FAHD2A: variants seen among roughly 807,000 people sequenced by gnomAD.
FAHD2A encodes the protein fumarylacetoacetate hydrolase domain containing 2A.
Under a neutral mutation model 33.4 loss-of-function variants are expected in FAHD2A, and 27 were observed. The ratio of observed to expected loss-of-function variants is 0.81; its 90% CI spans 0.60 to 1.11. The LOEUF (loss-of-function observed/expected upper bound fraction) is 1.11, where lower values mean the gene tolerates loss of function less well. FAHD2A is among the 50% of genes most tolerant of loss of function. The pLI is 0.00. For synonymous variants in FAHD2A, 130 were observed against 153.3 expected (o/e 0.85, Z 1.12); for missense variants, 296 against 395.0 (o/e 0.75, Z 2.12).
chr2:95,411,507 C>T (rs1323912161), intron 5 of FAHD2A, among the ~76,000 whole-genome samples: 1 of 152,370 alleles, frequency 6.6e-6, no homozygotes, highest in African/African-American at 2.4e-5. Context: ...CAGCCTCTTA[C>T]ACAGCCACCC....
Position 95,412,708 on chromosome 2 carries a change from C to T in FAHD2A, c.826C>T (p.Leu276=). ...TACCTTTTACCCAGGGGATGTCATC[C>T]TAACTGGGACCCCCCCAGGTGTCGG... is the stretch of plus-strand genomic sequence containing the variant. The part of the protein sequence containing the change: ...FVTFYPGDVI[L]TGTPPGVGVF... The change falls in exon 7 of 8, where the codon CTA becomes TTA. Residue 276 remains leucine, a synonymous_variant. Transcript: ENST00000233379. The T allele has an allele frequency of 6.2e-7, 1 of 1,614,192 alleles. No homozygotes were observed. The highest frequency in any genetic ancestry group is 1.1e-5 in the South Asian group (1 of 91,078).
At chr2:95,411,236 G>A (rs867389679) in intron 5 of FAHD2A, among the ~76,000 whole-genome samples, 2 of 152,246 alleles carry the variant, frequency 1.3e-5, no homozygotes, top group Non-Finnish European at 2.9e-5. Context: ...CAACTGCAGA[G>A]GATGTGAAAC....
intron 1 of FAHD2A, chr2:95,405,301 T>C: frequency 2.2e-6 from 1 of 464,728 alleles, no homozygotes; most frequent in Non-Finnish European, 3.8e-6. Context: ...GTGGGAACTT[T>C]CAGAAAGCAC....
At position 95,405,704 on chromosome 2, in the gene FAHD2A, G is replaced by A; in HGVS notation, c.146G>A (p.Gly49Asp). 6.2e-6 allele frequency: 10 copies of A among 1,614,148 alleles called. No homozygotes were observed. Among genetic ancestry groups the A allele is most frequent in the Non-Finnish European group, 8.5e-6 (10 of 1,180,026 alleles). The change falls in exon 2 of 8, where the codon GGT (glycine) becomes GAT (aspartate). Residue 49 changes from glycine (G) to aspartate (D), a missense_variant. Physicochemically the swap from Gly to Asp is moderately conservative, Grantham distance 94. Coordinates refer to ENST00000233379, the MANE Select transcript of FAHD2A (RefSeq NM_016044.3). ...CACTTGGGCCTGGAGACAGGGAATGGTGGAGGGGTTATCAACCTCAATGCC... is the reference window on the plus strand; with the variant it reads ...CACTTGGGCCTGGAGACAGGGAATGATGGAGGGGTTATCAACCTCAATGCC... The part of the protein sequence containing the change: ...GPHLGLETGN[G>D]GGVINLNAFD...
rs1682920286 is a variant in FAHD2A at position 95,414,066 on chromosome 2, C to G, written c.*1109C>G. On this transcript the variant is annotated 3_prime_UTR_variant, in exon 8 of 8. Transcript: ENST00000233379. ...TCTAGGTAGGGAGGACAGGGAGACA[C>G]TGGGCACAGGCTTCTCTCCTCTTGT... 1 of 1,416,042 alleles carries G rather than the reference C, an allele frequency of 7.1e-7. No homozygotes were observed. The highest frequency in any genetic ancestry group is 1.4e-5 in the African/African-American group (1 of 70,950). The allele number at this position is 1,416,042 out of a possible 1,614,324, so 87.7% of individuals were successfully genotyped here.
downstream of FAHD2A, among the ~76,000 whole-genome samples, chr2:95,417,042 G>A (rs1170343058): frequency 6.6e-6 from 1 of 152,198 alleles, no homozygotes; most frequent in Non-Finnish European, 1.5e-5. Context: ...CAGGCAAGGG[G>A]CACACAGAGT....
chr2:95,405,516 A>T (rs373074130), intron 1 of FAHD2A, 37 bp from the exon 2 acceptor site: 3 of 1,575,916 alleles, frequency 1.9e-6, no homozygotes, highest in Non-Finnish European at 2.6e-6. Flanking sequence ...TGGCTCTGGG[A>T]TCCTCTGTCT....
intron 3 of FAHD2A, among the ~76,000 whole-genome samples, chr2:95,408,696 T>A (rs1248435749): frequency 6.6e-6 from 1 of 152,210 alleles, no homozygotes; most frequent in Non-Finnish European, 1.5e-5. Flanking sequence ...ACCGGGTCCG[T>A]CCCATAGCAC....
downstream of FAHD2A, among the ~76,000 whole-genome samples, chr2:95,419,178 T>A (rs536111240): frequency 2.0e-5 from 3 of 152,236 alleles, no homozygotes; most frequent in East Asian, 5.8e-4. Context: ...ATTCCTGTTG[T>A]CTGAAGCAAC....
At chr2:95,408,086 T>A (rs1160209032) in intron 3 of FAHD2A, among the ~76,000 whole-genome samples, 1 of 151,012 alleles carries the variant, frequency 6.6e-6, no homozygotes, top group Non-Finnish European at 1.5e-5. Flanking sequence ...AGGGGACCTT[T>A]TAAAACACAT....
intron 1 of FAHD2A, chr2:95,405,287 C>A: frequency 2.3e-6 from 1 of 441,900 alleles, no homozygotes; most frequent in South Asian, 4.0e-5. Context: ...CAGAGCCAAG[C>A]ACAGTGGGAA....
At chr2:95,411,496 G>T (rs374759183) in intron 5 of FAHD2A, among the ~76,000 whole-genome samples, 1 of 152,264 alleles carries the variant, frequency 6.6e-6, no homozygotes, top group Non-Finnish European at 1.5e-5. Flanking sequence ...AGGGCAGAGC[G>T]CAGCCTCTTA....
At position 95,405,855 on chromosome 2, in the gene FAHD2A, C is replaced by T. The variant is rs764048502; in HGVS notation, c.245+52C>T. 138 of 1,495,042 alleles carry T rather than the reference C, an allele frequency of 9.2e-5. No homozygotes were observed. The East Asian group carries it at 1.1e-3, about 12-fold the overall frequency. The allele number at this position is 1,495,042 out of a possible 1,614,324, so 92.6% of individuals were successfully genotyped here. ...AAGCAGCTGCCCTGGTCCCCCTGCA[C>T]CCTCCCCGCTCTGGGAAACAGCACC... On this transcript the variant is annotated intron_variant, in intron 2 of 7. Transcript: ENST00000233379.
Position 95,412,990 on chromosome 2 carries a change from G to A in FAHD2A, c.*33G>A, listed in dbSNP as rs913629752. The stretch of plus-strand genomic sequence containing the variant: ...TGCACAGGCCCTGCACATAGGATGA[G>A]GGCATCTGCTCCCACTCAGCCTAGC... On this transcript the variant is annotated 3_prime_UTR_variant, in exon 8 of 8. Transcript: ENST00000233379. 1.9e-6 allele frequency: 3 copies of A among 1,611,684 alleles called. No homozygotes were observed. In the African/African-American group the frequency reaches 4.0e-5, roughly 22 times the overall value.
chr2:95,407,336 T>C (rs1440528175), intron 3 of FAHD2A, 179 bp downstream of exon 3: 2 of 886,364 alleles, frequency 2.3e-6, no homozygotes, highest in Non-Finnish European at 3.4e-6. Context: ...GTACGTGTTT[T>C]CCTGGTTACA....
In FAHD2A at chr2:95,413,708, T is replaced by C; in HGVS notation, c.*751T>C. 1.0e-6 allele frequency: 1 copy of C among 952,398 alleles called. No homozygotes were observed. Among genetic ancestry groups the C allele is most frequent in the Non-Finnish European group, 1.5e-6 (1 of 647,518 alleles). The allele number at this position is 952,398 out of a possible 1,614,324, so 59.0% of individuals were successfully genotyped here. A position where few individuals can be genotyped will look rare whatever the true frequency, so the allele number is the denominator to read the frequency against. ...TCAGTGTTTGAGTGCAAATGCTGCCTCAAAGCAGCCCCAATACCCCACCTA... is the reference window on the plus strand; with the variant it reads ...TCAGTGTTTGAGTGCAAATGCTGCCCCAAAGCAGCCCCAATACCCCACCTA... On this transcript the variant is annotated 3_prime_UTR_variant, in exon 8 of 8. Transcript: ENST00000233379.
intron 5 of FAHD2A, among the ~76,000 whole-genome samples, chr2:95,411,610 A>G (rs114430724): frequency 6.6e-6 from 1 of 152,234 alleles, no homozygotes. Flanking sequence ...CAGAGTCCTC[A>G]GCAAAGTTAA....
chr2:95,413,764 G>A lies in FAHD2A; in HGVS notation c.*807G>A. The A allele has an allele frequency of 1.4e-6, 1 of 708,260 alleles. No individual in the cohort carries two copies. The highest frequency in any genetic ancestry group is 1.9e-5 in the South Asian group (1 of 52,012). The allele number at this position is 708,260 out of a possible 1,614,324, so 43.9% of individuals were successfully genotyped here. A position where few individuals can be genotyped will look rare whatever the true frequency, so the allele number is the denominator to read the frequency against. ...ATGAGCCAGTGATTTGGGAGACCAA[G>A]AGGCAGGAAACCATCCCACCTTCTC... On this transcript the variant is annotated 3_prime_UTR_variant, in exon 8 of 8. Coordinates refer to ENST00000233379, the MANE Select transcript of FAHD2A (RefSeq NM_016044.3).
chr2:95,405,848 C>G (rs1167801526), intron 2 of FAHD2A, 45 bp downstream of exon 2: 12 of 1,506,792 alleles, frequency 8.0e-6, no homozygotes, highest in African/African-American at 1.4e-5. Context: ...GCCCTGGTCC[C>G]CCTGCACCCT....
Sources: allele counts gnomAD v4.1 joint callset (sites outside exome capture counted in the v4.1 genomes callset), GRCh38; gene constraint gnomAD v4.1.1; transcripts MANE v1.5; gene names NCBI Gene and HGNC (gene_info 2026-07-23, HGNC 2026-07-21).